The following ARHGAP26 variants were observed in gnomAD, a reference collection of about 807,000 sequenced individuals.
ARHGAP26 encodes the protein rho GTPase-activating protein 26.
ARHGAP26 carries 38 observed loss-of-function variants against 104.8 expected under a neutral mutation model. That is an observed-to-expected ratio of 0.36 (90% CI 0.28 to 0.48). The LOEUF is 0.48. Among genes scored for constraint, ARHGAP26 ranks in the 20% least tolerant of loss-of-function variants. The pLI, the probability that ARHGAP26 is intolerant of heterozygous loss-of-function variation, is 0.99. For missense variants in ARHGAP26, 704 were observed against 947.9 expected, an observed-to-expected ratio of 0.74 and a Z score of 3.38; for synonymous variants, 341 against 340.0, an observed-to-expected ratio of 1.00 and a Z score of -0.03.
intron 10 of ARHGAP26, among the ~76,000 whole-genome samples, chr5:142,928,744 A>G (rs182072304): frequency 6.6e-6 from 1 of 152,290 alleles, no homozygotes; most frequent in Non-Finnish European, 1.5e-5. Flanking sequence ...AGCTGTGAAG[A>G]GTGGGTGAAT....
At chr5:143,186,205 AT>A (rs1163017945) in intron 20 of ARHGAP26, among the ~76,000 whole-genome samples, 1 of 152,228 alleles carries the variant, frequency 6.6e-6, no homozygotes, top group Admixed American at 6.5e-5. Context: ...CTTGTAGAGT[AT>A]TATAATAAGA....
At chr5:143,189,649 A>G (rs1361116858) in intron 20 of ARHGAP26, among the ~76,000 whole-genome samples, 1 of 152,232 alleles carries the variant, frequency 6.6e-6, no homozygotes, top group Non-Finnish European at 1.5e-5. Flanking sequence ...TTACTTAATT[A>G]TAAAGTGTAT....
rs755826959 is a variant in ARHGAP26, at chr5:143,147,317, C to T, written c.1924C>T (p.Gln642Ter). The stretch of plus-strand genomic sequence containing the variant: ...CATCCTTAATTCCAGCAGCAGCTTA[C>T]AGCCCAACATGAACTCCAGTGACCC... The part of the protein sequence containing the change: ...NSILNSSSSL[Q>*]PNMNSSDPDL... Residue 642 changes from glutamine (Q) to a stop codon, truncating the protein, a stop_gained, in exon 20 of 23, where the codon CAG becomes TAG. Coordinates refer to ENST00000645722, the MANE Select transcript of ARHGAP26 (RefSeq NM_001135608.3). LOFTEE classifies it high-confidence loss of function. 6.2e-7 allele frequency: 1 copy of T among 1,614,076 alleles called. No individual in the cohort carries two copies. Among genetic ancestry groups the T allele is most frequent in the South Asian group, 1.1e-5 (1 of 91,066 alleles).
At chr5:143,103,621 A>G (rs1793579041) in intron 17 of ARHGAP26, among the ~76,000 whole-genome samples, 1 of 152,262 alleles carries the variant, frequency 6.6e-6, no homozygotes. Flanking sequence ...GAAGCCATAA[A>G]AAAGAATAAG....
At chr5:142,823,568 T>C (rs1766628418) in intron 1 of ARHGAP26, among the ~76,000 whole-genome samples, 1 of 152,170 alleles carries the variant, frequency 6.6e-6, no homozygotes, top group Non-Finnish European at 1.5e-5. Context: ...GCTGGTGTTA[T>C]GGCAAACTAA....
rs1487450929 is a variant in ARHGAP26 at position 142,949,164 on chromosome 5, CCAGAGAGAGA to C, written c.1107+17040_1107+17049del. On this transcript the variant is annotated intron_variant, in intron 11 of 22. Transcript: ENST00000645722. Reference sequence around the variant, plus strand: ...CTGCTGAAGTTTTATAGTTGAATTTCCAGAGAGAGAGAGAGAGAGAGAGAGAGAGAGAGAG... The same window carrying C: ...CTGCTGAAGTTTTATAGTTGAATTTCGAGAGAGAGAGAGAGAGAGAGAGAG... 9.8e-4 allele frequency among the ~76,000 whole-genome samples: 40 copies of C among 40,626 alleles called. 3 individuals are homozygous for C. Among genetic ancestry groups the C allele is most frequent in the African/African-American group, 3.3e-3 (32 of 9,730 alleles). 26.7% of individuals were successfully genotyped at this position (40,626 alleles called of 152,430 possible).
At chr5:142,867,848 C>T (rs908267390) in intron 1 of ARHGAP26, 2 of 152,162 alleles carry the variant, frequency 1.3e-5, no homozygotes, top group African/African-American at 4.8e-5. Context: ...AGAGTTTGTC[C>T]TAACTTACCT....
rs893525187 is a variant in ARHGAP26, at chr5:143,037,139, A to G, written c.1145-57A>G. On this transcript the variant is annotated intron_variant, in intron 12 of 22. Transcript: ENST00000645722. ...ATTCATCCTGGTTTGGTTAAGCCCT[A>G]TCCTGAGGTTGATTTCCATGGCTAG... The G allele has an allele frequency of 7.5e-6, 11 of 1,476,424 alleles. No individual in the cohort carries two copies. The African/African-American group carries it at 1.2e-4, about 17-fold the overall frequency. The allele number at this position is 1,476,424 out of a possible 1,614,324, so 91.5% of individuals were successfully genotyped here.
intron 20 of ARHGAP26, among the ~76,000 whole-genome samples, chr5:143,182,142 A>G (rs1030530666): frequency 7.2e-5 from 11 of 152,150 alleles, no homozygotes; most frequent in African/African-American, 2.4e-4. Flanking sequence ...TGTCTACCAC[A>G]TCACTCTGTG....
At chr5:142,969,394 T>A (rs1771903275) in intron 11 of ARHGAP26, 1 of 152,242 alleles carries the variant, frequency 6.6e-6, no homozygotes, top group South Asian at 2.1e-4. Context: ...AGCTGTTTTC[T>A]CTCCATCTGG....
chr5:142,850,359 T>G (rs1208193518), intron 1 of ARHGAP26, among the ~76,000 whole-genome samples: 1 of 152,184 alleles, frequency 6.6e-6, no homozygotes, highest in Non-Finnish European at 1.5e-5. Context: ...CTGACTGAAT[T>G]CTTATTACAG....
At chr5:143,134,358 G>C (rs1797693415) in intron 19 of ARHGAP26, among the ~76,000 whole-genome samples, 1 of 152,164 alleles carries the variant, frequency 6.6e-6, no homozygotes, top group Admixed American at 6.5e-5. Context: ...ACAAACAGCT[G>C]AGTCTCTTTT....
chr5:143,117,408 ATT>A (rs556833854), intron 17 of ARHGAP26, among the ~76,000 whole-genome samples: 161 of 152,326 alleles, frequency 1.1e-3, no homozygotes, highest in African/African-American at 3.3e-3. Context: ...ATCTCAAGCC[ATT>A]AATAATTCAT....
chr5:142,980,889 T>C (rs893824453), intron 11 of ARHGAP26, among the ~76,000 whole-genome samples: 1 of 152,220 alleles, frequency 6.6e-6, no homozygotes, highest in Admixed American at 6.5e-5. Context: ...CCCTCACCTA[T>C]GCTTGGAATT....
At chr5:142,881,727 A>C (rs1757027056) in intron 4 of ARHGAP26, among the ~76,000 whole-genome samples, 1 of 152,150 alleles carries the variant, frequency 6.6e-6, no homozygotes, top group African/African-American at 2.4e-5. Flanking sequence ...ACAAGCAAAC[A>C]ACAGATCCAC....
chr5:143,038,684 CTTTTTTTTTTTTTTTTT>C (rs60428049), intron 13 of ARHGAP26, among the ~76,000 whole-genome samples: 4 of 64,384 alleles, frequency 6.2e-5, no homozygotes, highest in South Asian at 9.5e-4. Flanking sequence ...GACATACGGC[CTTTTTTTTTTTTTTTTT>C]TTTTTTTTTT....
At chr5:142,893,373 T>C (rs1375917523) in intron 5 of ARHGAP26, among the ~76,000 whole-genome samples, 1 of 152,232 alleles carries the variant, frequency 6.6e-6, no homozygotes, top group African/African-American at 2.4e-5. Context: ...AGATGTGATA[T>C]TTGTTTTTCT....
chr5:142,894,624 G>C (rs553436314), intron 6 of ARHGAP26, among the ~76,000 whole-genome samples: 1 of 152,208 alleles, frequency 6.6e-6, no homozygotes, highest in Non-Finnish European at 1.5e-5. Context: ...GGTGGACAGA[G>C]TGGAAATGGG....
chr5:142,887,672 T>G (rs1757912614), intron 5 of ARHGAP26, among the ~76,000 whole-genome samples: 1 of 152,258 alleles, frequency 6.6e-6, no homozygotes. Flanking sequence ...GGTTCTGGTC[T>G]GTTCAGGTCA....
Sources: gnomAD v4.1 joint callset for allele counts (sites outside exome capture counted in the v4.1 genomes callset) on GRCh38, gnomAD v4.1.1 for gene constraint, MANE v1.5 for transcripts, NCBI Gene and HGNC (gene_info 2026-07-23, HGNC 2026-07-21) for gene names.